Variants in CARMIL1 observed in about 807,000 individuals in gnomAD.
CARMIL1 encodes capping protein regulator and myosin 1 linker 1, also known as F-actin-uncapping protein LRRC16A.
Under a neutral mutation model 177.1 loss-of-function variants are expected in CARMIL1, and 90 were observed. That is an observed-to-expected ratio of 0.51 (90% CI 0.43 to 0.61). The LOEUF (loss-of-function observed/expected upper bound fraction) is 0.61, where lower values mean the gene tolerates loss of function less well. Ranked by LOEUF, CARMIL1 falls within the 20% of genes least tolerant of loss-of-function variation. CARMIL1 has a pLI of 0.00. For synonymous variants in CARMIL1, 577 were observed against 606.2 expected (o/e 0.95, Z 0.71); for missense variants, 1,380 against 1,667.0 (o/e 0.83, Z 3.00).
chr6:25,369,979 C>T (rs1790245149), intron 2 of CARMIL1: 1 of 152,260 alleles, frequency 6.6e-6, no homozygotes, highest in Non-Finnish European at 1.5e-5. Context: ...GACGGTGCTT[C>T]TACTCTTGGC....
At chr6:25,486,823 C>T (rs911724573) in intron 12 of CARMIL1, among the ~76,000 whole-genome samples, 28 of 152,018 alleles carry the variant, frequency 1.8e-4, no homozygotes, top group African/African-American at 6.5e-4. Flanking sequence ...CTCAGAAGAC[C>T]CTGCCTGGTA....
chr6:25,539,518 G>A (rs186594144), intron 25 of CARMIL1, among the ~76,000 whole-genome samples: 3 of 151,220 alleles, frequency 2.0e-5, no homozygotes, highest in East Asian at 2.0e-4. Flanking sequence ...CCAGCTTCTC[G>A]GGAGACTGAG....
chr6:25,419,028 G>A (rs1027574957), intron 2 of CARMIL1, among the ~76,000 whole-genome samples: 21 of 152,198 alleles, frequency 1.4e-4, no homozygotes, highest in African/African-American at 4.8e-4. Flanking sequence ...ACTAGGGAAA[G>A]GTATAAAGCA....
chr6:25,495,198 G>A lies in CARMIL1; in HGVS notation c.1308G>A (p.Leu436=). Residue 436 remains leucine, a synonymous_variant, in exon 16 of 37, where the codon CTG becomes CTA. Transcript: ENST00000329474. ...LMHINLSGTK[L]SPEPLKALLL... ...ACATCAACCTTTCAGGCACAAAACT[G>A]TCTCCTGAGCCCTTAAAGTGAGTGG... The A allele has an allele frequency of 2.5e-6, 4 of 1,611,440 alleles. No individual in the cohort carries two copies. Among genetic ancestry groups the A allele is most frequent in the Non-Finnish European group, 3.4e-6 (4 of 1,178,468 alleles).
chr6:25,378,996 C>G (rs968536650), intron 2 of CARMIL1, among the ~76,000 whole-genome samples: 2 of 151,998 alleles, frequency 1.3e-5, no homozygotes, highest in African/African-American at 4.8e-5. Context: ...ACTCCTGGCT[C>G]AGTCATTTTC....
chr6:25,286,625 T>C (rs1312385150), intron 2 of CARMIL1, among the ~76,000 whole-genome samples: 1 of 152,236 alleles, frequency 6.6e-6, no homozygotes, highest in Non-Finnish European at 1.5e-5. Flanking sequence ...TTTACAAATT[T>C]AAAGTAAGTT....
At chr6:25,374,732 TATC>T (rs530615636) in intron 2 of CARMIL1, among the ~76,000 whole-genome samples, 2 of 152,220 alleles carry the variant, frequency 1.3e-5, no homozygotes, top group Non-Finnish European at 2.9e-5. Context: ...AGGATTGTAA[TATC>T]ATCTTGTTCG....
chr6:25,454,084 G>C (rs905853379), intron 8 of CARMIL1, among the ~76,000 whole-genome samples: 1 of 152,178 alleles, frequency 6.6e-6, no homozygotes, highest in Admixed American at 6.5e-5. Flanking sequence ...AGAGAAATTT[G>C]TCAAACCTTT....
chr6:25,580,889 CTAAG>C lies in CARMIL1; in HGVS notation c.2743-33_2743-30del, dbSNP rs3834707. On this transcript the variant is annotated intron_variant, in intron 29 of 36. Coordinates refer to ENST00000329474, the MANE Select transcript of CARMIL1 (RefSeq NM_017640.6). ...TGAAAGGCAAGTTTTCTGTGGCTAC[CTAAG>C]TGTTTTTTTAAATTATTATTTCATT... The C allele has an allele frequency of 9.8e-3, 14,712 of 1,497,292 alleles. 155 individuals carry two copies. The highest frequency in any genetic ancestry group is 0.028 in the East Asian group (1,168 of 41,158). The allele number at this position is 1,497,292 out of a possible 1,614,324, so 92.8% of individuals were successfully genotyped here. A position where few individuals can be genotyped will look rare whatever the true frequency, so the allele number is the denominator to read the frequency against.
chr6:25,611,663 A>G (rs948711017), intron 36 of CARMIL1, among the ~76,000 whole-genome samples: 1 of 152,248 alleles, frequency 6.6e-6, no homozygotes, highest in Non-Finnish European at 1.5e-5. Context: ...AGCAATTGAA[A>G]TATTGAAGGA....
At chr6:25,449,570 A>G (rs557773870) in intron 5 of CARMIL1, among the ~76,000 whole-genome samples, 2 of 152,364 alleles carry the variant, frequency 1.3e-5, no homozygotes, top group African/African-American at 4.8e-5. Context: ...TTAGTAATTT[A>G]TATTTGGTAT....
At chr6:25,609,974 T>C in intron 35 of CARMIL1, 76 bp from the exon 36 acceptor site, 1 of 1,402,834 alleles carries the variant, frequency 7.1e-7, no homozygotes, top group East Asian at 2.5e-5. Flanking sequence ...TATTTTTATA[T>C]ATAGATTTAC....
chr6:25,586,340 T>C (rs1813678392), intron 31 of CARMIL1, among the ~76,000 whole-genome samples: 1 of 137,796 alleles, frequency 7.3e-6, no homozygotes, highest in African/African-American at 2.8e-5. Context: ...GCAGAGGCGC[T>C]CCTCACATCC....
chr6:25,525,277 C>T (rs569025261), intron 23 of CARMIL1, among the ~76,000 whole-genome samples: 9 of 152,240 alleles, frequency 5.9e-5, no homozygotes, highest in South Asian at 2.1e-4. Context: ...ATAAGAATTA[C>T]GTCACTCTTT....
chr6:25,535,408 A>G (rs212930), intron 24 of CARMIL1, among the ~76,000 whole-genome samples: 124,462 of 152,150 alleles, frequency 0.82, 51,270 homozygotes, highest in East Asian at 0.95. Flanking sequence ...GATTGTGCAG[A>G]GTGTTCTCAA....
intron 2 of CARMIL1, among the ~76,000 whole-genome samples, chr6:25,337,993 C>G (rs1459188721): frequency 6.6e-6 from 1 of 152,120 alleles, no homozygotes; most frequent in African/African-American, 2.4e-5. Context: ...TCCCTATCTT[C>G]CCCCTTCTTC....
intron 32 of CARMIL1, among the ~76,000 whole-genome samples, chr6:25,597,786 A>C (rs568657434): frequency 3.9e-5 from 6 of 152,196 alleles, no homozygotes; most frequent in African/African-American, 1.4e-4. Flanking sequence ...CACCTTCTTG[A>C]ATTGCTTCCT....
intron 2 of CARMIL1, among the ~76,000 whole-genome samples, chr6:25,348,402 G>T (rs2150349824): frequency 6.6e-6 from 1 of 152,064 alleles, no homozygotes; most frequent in African/African-American, 2.4e-5. Context: ...AAAGTGTTGG[G>T]ATTACAGGCG....
intron 12 of CARMIL1, among the ~76,000 whole-genome samples, chr6:25,488,262 A>T (rs1027326238): frequency 1.3e-5 from 2 of 151,982 alleles, no homozygotes. Flanking sequence ...CCAATTCATT[A>T]CTCCTTCTGA....
Sources: allele counts gnomAD v4.1 joint callset (sites outside exome capture counted in the v4.1 genomes callset), GRCh38; gene constraint gnomAD v4.1.1; transcripts MANE v1.5; gene names NCBI Gene and HGNC (gene_info 2026-07-23, HGNC 2026-07-21).